DNHD1: variants seen among roughly 807,000 people sequenced by gnomAD.
DNHD1 encodes the protein dynein heavy chain domain-containing protein 1.
Under a neutral mutation model 458.1 loss-of-function variants are expected in DNHD1, and 383 were observed. The observed-to-expected ratio is 0.84, with a 90% CI of 0.77 to 0.91. DNHD1 has a LOEUF of 0.91. Ranked by LOEUF, DNHD1 falls within the 40% of genes least tolerant of loss-of-function variation. The probability of loss-of-function intolerance (pLI) is 0.00; values close to 1 mark genes in which losing one functional copy is unlikely to be tolerated. For missense variants in DNHD1, 5,336 were observed against 5,866.1 expected (o/e 0.91, Z 2.95); for synonymous variants, 2,203 against 2,376.9 (o/e 0.93, Z 2.13).
In DNHD1 at chr11:6,563,834, G is replaced by A. The variant is rs1047622996; in HGVS notation, c.9994G>A (p.Ala3332Thr). Residue 3332 changes from alanine (A) to threonine (T), a missense_variant, in exon 31 of 43, where the codon GCT becomes ACT. Physicochemically the swap from Ala to Thr is moderately conservative, Grantham distance 58. Around this residue, in one of 4 missense-constraint regions of DNHD1, gnomAD observed 3,932 missense variants for 4,365.6 expected, o/e 0.90. Coordinates refer to ENST00000254579, the MANE Select transcript of DNHD1 (RefSeq NM_144666.3). ...AGCCAGCCTGGCAGCCTGGCTCTGG[G>A]CTGTTCTGCACTATGGGCTGGCGCA... Reference protein sequence around the residue: ...PAASLAAWLWAVLHYGLAHCR... With the variant: ...PAASLAAWLWTVLHYGLAHCR... The A allele has an allele frequency of 1.9e-6, 3 of 1,551,572 alleles. No homozygotes were observed. Among genetic ancestry groups the A allele is most frequent in the South Asian group, 1.2e-5 (1 of 84,062 alleles).
At position 6,568,574 on chromosome 11, in the gene DNHD1, C is replaced by T; in HGVS notation, c.12659C>T (p.Pro4220Leu). ...IVPAESSASL[P>L]AVLTQHSMPV... is the part of the protein sequence containing the mutation. The stretch of plus-strand genomic sequence containing the variant: ...CCTGCAGAGTCTAGTGCTTCTTTGC[C>T]AGGTGAGGAGCTTAACCCCCTACAG... Residue 4220 changes from proline to leucine, a missense_variant and splice_region_variant, in exon 38 of 43, where the codon CCA becomes CTA. Physicochemically the swap from Pro to Leu is moderately conservative, Grantham distance 98. Transcript: ENST00000254579. 1.2e-6 allele frequency: 2 copies of T among 1,613,964 alleles called. No homozygotes were observed. The highest frequency in any genetic ancestry group is 1.7e-6 in the Non-Finnish European group (2 of 1,179,898).
Position 6,544,585 on chromosome 11 carries a change from G to C in DNHD1, c.3766G>C (p.Glu1256Gln). The C allele has an allele frequency of 6.4e-7, 1 of 1,551,450 alleles. No individual in the cohort carries two copies. Among genetic ancestry groups the C allele is most frequent in the Non-Finnish European group, 8.7e-7 (1 of 1,146,906 alleles). ...AIMHGLGALL[E>Q]VWLTFQQKWI... ...GGCTGCTTACACAGGTGCCCTGCTG[G>C]AGGTGTGGCTGACTTTCCAGCAGAA... The change falls in exon 20 of 43, where the codon GAG (glutamate) becomes CAG (glutamine). Residue 1256 changes from glutamate to glutamine, a missense_variant. This residue lies in a region of DNHD1 where 3,932 missense variants were observed against 4,365.6 expected (regional missense o/e 0.90). Coordinates refer to ENST00000254579, the MANE Select transcript of DNHD1 (RefSeq NM_144666.3).
rs1853065368 is a variant in DNHD1 at position 6,540,062 on chromosome 11, A to C, written c.3607A>C (p.Ser1203Arg). The change falls in exon 18 of 43, where the codon AGT becomes CGT. Residue 1203 changes from serine to arginine, a missense_variant. Physicochemically the swap from Ser to Arg is moderately radical, Grantham distance 110. This residue lies in a region of DNHD1 where 3,932 missense variants were observed against 4,365.6 expected (regional missense o/e 0.90). Transcript: ENST00000254579. ...CCAATGGGAGGTAGTGGACAAAGAT[A>C]GTGGCACCTTCATCCTCTCAGGTGA... ...SPQWEVVDKD[S>R]GTFILSDYSN... is the part of the protein sequence containing the mutation. 1 of 1,551,722 alleles carries C rather than the reference A, an allele frequency of 6.4e-7. No homozygotes were observed. Among genetic ancestry groups the C allele is most frequent in the African/African-American group, 1.4e-5 (1 of 73,188 alleles).
Position 6,567,770 on chromosome 11 carries a change from C to T in DNHD1, c.12261C>T (p.Pro4087=). 6.2e-7 allele frequency: 1 copy of T among 1,613,996 alleles called. No homozygotes were observed. Among genetic ancestry groups the T allele is most frequent in the Non-Finnish European group, 8.5e-7 (1 of 1,179,904 alleles). The change falls in exon 36 of 43, where the codon CCC becomes CCT. Residue 4087 remains proline (P), a synonymous_variant. Transcript: ENST00000254579. ...TTAAACATAGTCAGGCTACTCAGCC[C>T]ATGCTGATCTTGTTGCCACCGCCTG... ...MPFKHSQATQ[P]MLILLPPPGH...
chr11:6,539,808 A>G, intron 17 of DNHD1, 68 bp from the exon 18 acceptor site: 1 of 1,443,568 alleles, frequency 6.9e-7, no homozygotes, highest in Non-Finnish European at 9.5e-7. Context: ...CCAATCCCCA[A>G]GTCTCGGCTC....
intron 31 of DNHD1, 48 bp downstream of exon 31, chr11:6,564,172 G>A (rs1460922277): frequency 1.4e-5 from 22 of 1,524,944 alleles, no homozygotes; most frequent in Admixed American, 8.0e-5. Flanking sequence ...CTTTTATGCC[G>A]TTCGCCTGCT....
chr11:6,497,936 T>C lies in DNHD1; in HGVS notation c.-280T>C, dbSNP rs1852060644. The C allele has an allele frequency of 4.2e-6, 2 of 481,314 alleles. No individual in the cohort carries two copies. The highest frequency in any genetic ancestry group is 3.5e-5 in the Admixed American group (1 of 28,368). 29.8% of individuals were successfully genotyped at this position (481,314 alleles called of 1,614,324 possible). ...TTAGGCCTGCTCCTTACCAGAGTCT[T>C]TGGGGAAGCAGTAGGGAGGGCCTGA... On this transcript the variant is annotated 5_prime_UTR_variant, in exon 3 of 43. Transcript: ENST00000254579.
Position 6,559,227 on chromosome 11 carries a change from G to C in DNHD1, c.9463G>C (p.Gly3155Arg). 6.4e-7 allele frequency: 1 copy of C among 1,551,626 alleles called. No individual in the cohort carries two copies. Among genetic ancestry groups the C allele is most frequent in the East Asian group, 2.4e-5 (1 of 40,918 alleles). The change falls in exon 28 of 43, where the codon GGT becomes CGT. Residue 3155 changes from glycine (G) to arginine (R), a missense_variant. This residue lies in a region of DNHD1 where 3,932 missense variants were observed against 4,365.6 expected (regional missense o/e 0.90). Coordinates refer to ENST00000254579, the MANE Select transcript of DNHD1 (RefSeq NM_144666.3). ...TCTGAGAATGCTGATTAAGGAGCAC[G>C]GTACCCATGCCAATCTGATCTTTGA... Reference protein sequence around the residue: ...ENLRMLIKEHGTHANLIFDLE... With the variant: ...ENLRMLIKEHRTHANLIFDLE...
At chr11:6,542,715 G>T (rs1304611425) in intron 18 of DNHD1, among the ~76,000 whole-genome samples, 2 of 152,176 alleles carry the variant, frequency 1.3e-5, no homozygotes, top group East Asian at 3.8e-4. Flanking sequence ...CTTACCTCAA[G>T]AAGACAGGTT....
At chr11:6,521,697 T>A (rs898582934) in intron 10 of DNHD1, among the ~76,000 whole-genome samples, 3 of 152,220 alleles carry the variant, frequency 2.0e-5, no homozygotes, top group Admixed American at 6.5e-5. Flanking sequence ...GAAAATCAGA[T>A]TCATATAATT....
chr11:6,511,530 C>T (rs2134379679), intron 7 of DNHD1, 101 bp downstream of exon 7: 2 of 1,450,974 alleles, frequency 1.4e-6, no homozygotes, highest in East Asian at 2.3e-5. Flanking sequence ...CACTGTATGA[C>T]CTGGACTCTA....
chr11:6,567,975 T>C, intron 36 of DNHD1, 81 bp from the exon 37 acceptor site: 1 of 1,481,848 alleles, frequency 6.7e-7, no homozygotes, highest in Middle Eastern at 2.2e-4. Context: ...ACTTTGGGGA[T>C]CATGGTAGCA....
chr11:6,559,291 G>A lies in DNHD1; in HGVS notation c.9519+8G>A. The A allele has an allele frequency of 6.4e-7, 1 of 1,550,940 alleles. No homozygotes were observed. The highest frequency in any genetic ancestry group is 8.7e-7 in the Non-Finnish European group (1 of 1,146,454). On this transcript the variant is annotated splice_region_variant and intron_variant, in intron 28 of 42. Coordinates refer to ENST00000254579, the MANE Select transcript of DNHD1 (RefSeq NM_144666.3). ...CTGAAAGACTCCGGCAAGGTAAGGA[G>A]ATGATTTTGAGGCTTCCATGGTGGT...
intron 12 of DNHD1, among the ~76,000 whole-genome samples, chr11:6,532,684 C>T (rs1852851643): frequency 6.6e-6 from 1 of 152,180 alleles, no homozygotes; most frequent in Admixed American, 6.5e-5. Flanking sequence ...CCCCGGCACC[C>T]CCACCTCTTA....
intron 3 of DNHD1, among the ~76,000 whole-genome samples, chr11:6,502,416 A>G (rs61876824): frequency 1.8e-3 from 274 of 152,334 alleles, no homozygotes; most frequent in Admixed American, 3.7e-3. Flanking sequence ...TTGGGAAAAT[A>G]AAGTCTTCCC....
intron 14 of DNHD1, among the ~76,000 whole-genome samples, chr11:6,537,096 T>C (rs1229854324): frequency 6.6e-6 from 1 of 152,190 alleles, no homozygotes; most frequent in African/African-American, 2.4e-5. Context: ...AAACTGGAGT[T>C]CAAGTTAATG....
chr11:6,538,895 G>A, intron 16 of DNHD1, 85 bp downstream of exon 16: 1 of 1,306,578 alleles, frequency 7.7e-7, no homozygotes, highest in Non-Finnish European at 1.0e-6. Context: ...TGCTGCTCCT[G>A]CTGGAAACAC....
At chr11:6,542,355 G>T (rs531481933) in intron 18 of DNHD1, among the ~76,000 whole-genome samples, 1 of 152,284 alleles carries the variant, frequency 6.6e-6, no homozygotes, top group East Asian at 1.9e-4. Context: ...ATAAAAATTC[G>T]TAATACAAAG....
chr11:6,521,315 CATT>C (rs1452291686), intron 10 of DNHD1, among the ~76,000 whole-genome samples: 2 of 152,270 alleles, frequency 1.3e-5, no homozygotes, highest in African/African-American at 4.8e-5. Flanking sequence ...AGCATTTTCT[CATT>C]ATATGTGGTA....
Sources: gnomAD v4.1 joint callset for allele counts (sites outside exome capture counted in the v4.1 genomes callset) on GRCh38, gnomAD v4.1.1 for gene constraint, gnomAD v4.1.1 regional missense constraint, MANE v1.5 for transcripts, NCBI Gene and HGNC (gene_info 2026-07-23, HGNC 2026-07-21) for gene names.